IGSF21: variants seen among roughly 807,000 people sequenced by gnomAD.
IGSF21 encodes immunoglobin superfamily member 21.
A neutral mutation model predicts 46.8 loss-of-function variants in IGSF21; 28 were observed. The observed-to-expected ratio is 0.60, with a 90% CI of 0.44 to 0.82. IGSF21 has a LOEUF of 0.82. Among genes scored for constraint, IGSF21 ranks in the 40% least tolerant of loss-of-function variants. IGSF21 has a pLI of 0.00. For synonymous variants in IGSF21, 284 were observed against 273.6 expected, an observed-to-expected ratio of 1.04 and a Z score of -0.38; for missense variants, 624 against 665.5, an observed-to-expected ratio of 0.94 and a Z score of 0.69.
At chr1:18,206,229 A>G (rs968405081) in intron 1 of IGSF21, among the ~76,000 whole-genome samples, 1 of 152,216 alleles carries the variant, frequency 6.6e-6, no homozygotes, top group Non-Finnish European at 1.5e-5. Context: ...AAAGTGAACG[A>G]GCAAGCCATG....
At position 18,374,110 on chromosome 1, in the gene IGSF21, G is replaced by A. The variant is rs375684710; in HGVS notation, c.1016-2200G>A. The stretch of plus-strand genomic sequence containing the variant: ...TCTCCTGGCTGCAGCCAACAATGCC[G>A]CCCCAGCAGCACCTGAAGAACGTAA... On this transcript the variant is annotated intron_variant, in intron 6 of 9. Transcript: ENST00000251296. Among the ~76,000 whole-genome samples the A allele has an allele frequency of 6.0e-4, 91 of 152,218 alleles. No homozygotes were observed. The East Asian group carries it at 0.016, about 27-fold the overall frequency.
chr1:18,317,755 A>G lies in IGSF21; in HGVS notation c.306-17137A>G, dbSNP rs889938569. Among the ~76,000 whole-genome samples, 6 of 152,270 alleles carry G rather than the reference A, an allele frequency of 3.9e-5. No individual in the cohort carries two copies. The South Asian group carries it at 8.3e-4, about 21-fold the overall frequency. On this transcript the variant is annotated intron_variant, in intron 3 of 9. Transcript: ENST00000251296. Reference sequence around the variant, plus strand: ...AAAGCATGAACACCAATGCCAATGCATGGCATGATGACAAAGCAAACACAC... The same window carrying G: ...AAAGCATGAACACCAATGCCAATGCGTGGCATGATGACAAAGCAAACACAC...
Position 18,290,449 on chromosome 1 carries a change from G to A in IGSF21, c.184-1417G>A, listed in dbSNP as rs1442889670. Reference sequence around the variant, plus strand: ...GCTTCCTCTCAGGGTCCCAGAGCCTGCGAAGGCCTTCTCATGATTCTAACC... The same window carrying A: ...GCTTCCTCTCAGGGTCCCAGAGCCTACGAAGGCCTTCTCATGATTCTAACC... On this transcript the variant is annotated intron_variant, in intron 2 of 9. Coordinates refer to ENST00000251296, the MANE Select transcript of IGSF21 (RefSeq NM_032880.5). The surrounding 1 kb of genome is among the most constrained non-coding windows in gnomAD (Gnocchi z 4.2). 6.6e-6 allele frequency among the ~76,000 whole-genome samples: 1 copy of A among 152,178 alleles called. No homozygotes were observed. The highest frequency in any genetic ancestry group is 1.5e-5 in the Non-Finnish European group (1 of 68,036).
chr1:18,203,847 A>G lies in IGSF21; in HGVS notation c.71-24051A>G, dbSNP rs572794963. Among the ~76,000 whole-genome samples, 11 of 152,356 alleles carry G rather than the reference A, an allele frequency of 7.2e-5. No homozygotes were observed. The South Asian group carries it at 1.4e-3, about 20-fold the overall frequency. ...TTTTAGGCTTTGTAGTCCACAGGGC[A>G]AAATCGAAACTGTTATGTGGGTATT... On this transcript the variant is annotated intron_variant, in intron 1 of 9. Coordinates refer to ENST00000251296, the MANE Select transcript of IGSF21 (RefSeq NM_032880.5).
At chr1:18,309,683 G>A (rs1354811941) in intron 3 of IGSF21, among the ~76,000 whole-genome samples, 2 of 152,184 alleles carry the variant, frequency 1.3e-5, no homozygotes, top group African/African-American at 4.8e-5. Context: ...AGCCGCTGCT[G>A]AGGGCCGGCC....
At chr1:18,208,548 A>ATTTTTTTTT (rs10601446) in intron 1 of IGSF21, among the ~76,000 whole-genome samples, 45 of 85,848 alleles carry the variant, frequency 5.2e-4, no homozygotes, top group African/African-American at 1.5e-3. Context: ...AGCCCAGCTA[A>ATTTTTTTTT]TTTTTTTTTT....
At chr1:18,277,823 A>G (rs1000765870) in intron 2 of IGSF21, among the ~76,000 whole-genome samples, 21 of 152,338 alleles carry the variant, frequency 1.4e-4, no homozygotes, top group African/African-American at 5.1e-4. Context: ...AGAACAGGAT[A>G]AAATGTGACA....
intron 1 of IGSF21, among the ~76,000 whole-genome samples, chr1:18,137,369 A>C (rs1397495137): frequency 6.6e-6 from 1 of 152,112 alleles, no homozygotes; most frequent in Non-Finnish European, 1.5e-5. Flanking sequence ...TTTCAATAGG[A>C]GATTTAGGTG....
chr1:18,179,932 A>T (rs1243852916), intron 1 of IGSF21, among the ~76,000 whole-genome samples: 1 of 152,348 alleles, frequency 6.6e-6, no homozygotes, highest in East Asian at 1.9e-4. Flanking sequence ...AGGAAAAGAA[A>T]CTGCCAAGCA....
At chr1:18,232,677 A>T (rs1229862675) in intron 2 of IGSF21, among the ~76,000 whole-genome samples, 1 of 152,222 alleles carries the variant, frequency 6.6e-6, no homozygotes, top group African/African-American at 2.4e-5. Context: ...ATGTCAAAAT[A>T]CCTGCCCCTG....
At chr1:18,298,121 A>C (rs545719742) in intron 3 of IGSF21, among the ~76,000 whole-genome samples, 1 of 152,302 alleles carries the variant, frequency 6.6e-6, no homozygotes, top group East Asian at 1.9e-4. Flanking sequence ...CTGGGAGCTG[A>C]CAGAGGGCCA....
At chr1:18,268,335 A>G (rs867981653) in intron 2 of IGSF21, among the ~76,000 whole-genome samples, 1 of 152,238 alleles carries the variant, frequency 6.6e-6, no homozygotes, top group African/African-American at 2.4e-5. Flanking sequence ...TCTGCTGGAC[A>G]TGCTGAAATG....
intron 1 of IGSF21, among the ~76,000 whole-genome samples, chr1:18,116,633 A>G (rs2086192380): frequency 6.6e-6 from 1 of 152,120 alleles, no homozygotes; most frequent in African/African-American, 2.4e-5. Flanking sequence ...TCCATTAATT[A>G]AGCAGCTGCC....
chr1:18,121,508 G>A (rs146285137), intron 1 of IGSF21, among the ~76,000 whole-genome samples: 7 of 152,200 alleles, frequency 4.6e-5, no homozygotes, highest in South Asian at 2.1e-4. Context: ...TTCATGAGAC[G>A]CTTACCCATT....
Position 18,167,507 on chromosome 1 carries a change from T to C in IGSF21, c.70+59309T>C, listed in dbSNP as rs563917753. Among the ~76,000 whole-genome samples, 3 of 152,188 alleles carry C rather than the reference T, an allele frequency of 2.0e-5. No homozygotes were observed. In the South Asian group the frequency reaches 6.2e-4, roughly 32 times the overall value. ...CTGGTTAGAAAAGGGTCTTGGGTGG[T>C]GGTGACCCCAGTGAAAGTGATCCCT... On this transcript the variant is annotated intron_variant, in intron 1 of 9. Transcript: ENST00000251296.
At chr1:18,363,979 A>G (rs2086131668) in intron 5 of IGSF21, among the ~76,000 whole-genome samples, 1 of 152,180 alleles carries the variant, frequency 6.6e-6, no homozygotes, top group South Asian at 2.1e-4. Flanking sequence ...AGACAGGTCC[A>G]GTCTCCCTAA....
At chr1:18,249,061 C>A (rs774821790) in intron 2 of IGSF21, among the ~76,000 whole-genome samples, 22 of 152,116 alleles carry the variant, frequency 1.4e-4, no homozygotes, top group Non-Finnish European at 2.9e-4. Context: ...CTGGATCATG[C>A]GTTTGGAGGC....
rs375810259 is a variant in IGSF21, at chr1:18,337,697, C to A, written c.424+2687C>A. 2.0e-4 allele frequency among the ~76,000 whole-genome samples: 31 copies of A among 152,242 alleles called. 1 individual carries two copies. The South Asian group carries it at 6.4e-3, about 32-fold the overall frequency. ...GTCTGCGTGTCCTGGCACCATGCAC[C>A]TATGGAAGGAGCCAGGATATATCCC... On this transcript the variant is annotated intron_variant, in intron 4 of 9. Transcript: ENST00000251296. This position sits in a 1 kb window ranked among gnomAD's most constrained non-coding sequence, Gnocchi z 5.7.
At chr1:18,176,505 C>T (rs191754057) in intron 1 of IGSF21, among the ~76,000 whole-genome samples, 3 of 152,244 alleles carry the variant, frequency 2.0e-5, no homozygotes, top group East Asian at 1.9e-4. Flanking sequence ...GAACTGTTGT[C>T]GAGATTAAAG....
Sources: allele counts gnomAD v4.1 joint callset (sites outside exome capture counted in the v4.1 genomes callset), GRCh38; gene constraint gnomAD v4.1.1; non-coding constraint Gnocchi (gnomAD v3.1); transcripts MANE v1.5; gene names NCBI Gene and HGNC (gene_info 2026-07-23, HGNC 2026-07-21).